The following CHODL variants were observed in gnomAD, a reference collection of about 807,000 sequenced individuals.
The protein encoded by CHODL is transmembrane protein MT75.
In CHODL, 29 loss-of-function variants were observed where a neutral mutation model predicts 34.5. That is an observed-to-expected ratio of 0.84 (90% CI 0.63 to 1.15). The LOEUF (loss-of-function observed/expected upper bound fraction) is 1.15, where lower values mean the gene tolerates loss of function less well. CHODL is among the 50% of genes most tolerant of loss of function. CHODL has a pLI of 0.00. For missense variants in CHODL, 332 were observed against 332.5 expected (o/e 1.00, Z 0.01); for synonymous variants, 125 against 116.1 (o/e 1.08, Z -0.49).
intron 2 of CHODL, among the ~76,000 whole-genome samples, chr21:18,074,516 T>C (rs1311877670): frequency 6.6e-6 from 1 of 152,132 alleles, no homozygotes; most frequent in Non-Finnish European, 1.5e-5. Context: ...GAATAGATGA[T>C]ATAGAGAGGG....
intron 1 of CHODL, among the ~76,000 whole-genome samples, chr21:17,961,644 G>A (rs1224013658): frequency 6.6e-6 from 1 of 152,196 alleles, no homozygotes; most frequent in Non-Finnish European, 1.5e-5. Flanking sequence ...GTTCCTGAAT[G>A]GTGATTGTTA....
intron 2 of CHODL, among the ~76,000 whole-genome samples, chr21:18,039,019 G>A (rs1009740902): frequency 4.0e-5 from 6 of 151,538 alleles, no homozygotes; most frequent in Non-Finnish European, 7.4e-5. Flanking sequence ...CATGGGGATC[G>A]CAAGATGTCT....
At chr21:18,210,989 C>A (rs1243557532) in intron 2 of CHODL, among the ~76,000 whole-genome samples, 2 of 152,258 alleles carry the variant, frequency 1.3e-5, no homozygotes, top group Admixed American at 1.3e-4. Context: ...GAATTTTGTT[C>A]CAGCTACACA....
intron 1 of CHODL, among the ~76,000 whole-genome samples, chr21:17,988,491 G>A (rs1159946133): frequency 1.6e-4 from 22 of 140,216 alleles, no homozygotes; most frequent in African/African-American, 6.0e-4. Flanking sequence ...CTGGTGTGCT[G>A]CACCCATTAA....
upstream of CHODL, among the ~76,000 whole-genome samples, chr21:18,240,338 G>C (rs747237598): frequency 5.9e-5 from 9 of 152,156 alleles, no homozygotes; most frequent in Non-Finnish European, 1.0e-4. Flanking sequence ...TTCTGCAGTA[G>C]AATCTCATTC....
upstream of CHODL, among the ~76,000 whole-genome samples, chr21:18,239,955 G>A (rs1015759821): frequency 6.6e-6 from 1 of 151,774 alleles, no homozygotes; most frequent in Non-Finnish European, 1.5e-5. Flanking sequence ...AGGGAGGAAG[G>A]GAAGAAAATA....
intron 1 of CHODL, among the ~76,000 whole-genome samples, chr21:17,940,870 T>G (rs866260670): frequency 5.3e-5 from 8 of 152,206 alleles, no homozygotes; most frequent in African/African-American, 1.9e-4. Flanking sequence ...AATGGTCGTA[T>G]CTGTAAACTT....
At chr21:18,154,164 G>A (rs769636422) in intron 2 of CHODL, among the ~76,000 whole-genome samples, 7 of 152,338 alleles carry the variant, frequency 4.6e-5, no homozygotes, top group Non-Finnish European at 1.0e-4. Context: ...TAGGAAATAT[G>A]TATGTAAAAA....
rs1199489563 is a variant in CHODL, at chr21:18,174,097, G to GGA, written c.-44-82411_-44-82410dup. 2.0e-3 allele frequency among the ~76,000 whole-genome samples: 6 copies of GGA among 2,988 alleles called. 2 individuals are homozygous for GGA. The South Asian group carries it at 0.025, about 12-fold the overall frequency. The allele number at this position is 2,988 out of a possible 152,430, so 2.0% of individuals were successfully genotyped here. A position where few individuals can be genotyped will look rare whatever the true frequency, so the allele number is the denominator to read the frequency against. The stretch of plus-strand genomic sequence containing the variant: ...GGAGGTAGAAGGGGAAACAAATACA[G>GGA]GATATATATATATATATATCTTGGT... On this transcript the variant is annotated intron_variant, in intron 2 of 6. Coordinates refer to the CHODL transcript ENST00000400127.
At chr21:18,090,874 C>G (rs575823840) in intron 2 of CHODL, among the ~76,000 whole-genome samples, 4 of 152,232 alleles carry the variant, frequency 2.6e-5, no homozygotes, top group African/African-American at 9.6e-5. Context: ...TAAAGCACCA[C>G]CACAAGAACC....
At chr21:18,143,919 T>C (rs944996742) in intron 2 of CHODL, among the ~76,000 whole-genome samples, 2 of 152,116 alleles carry the variant, frequency 1.3e-5, no homozygotes, top group African/African-American at 4.8e-5. Context: ...TTCCCCAACC[T>C]TCTACATTGG....
At chr21:18,177,839 A>G (rs560497820) in intron 2 of CHODL, among the ~76,000 whole-genome samples, 2 of 152,298 alleles carry the variant, frequency 1.3e-5, no homozygotes, top group African/African-American at 4.8e-5. Context: ...TCACTGGTAA[A>G]TTATTTATAA....
chr21:17,921,141 A>G (rs974228327), intron 1 of CHODL, among the ~76,000 whole-genome samples: 8 of 152,232 alleles, frequency 5.3e-5, no homozygotes, highest in African/African-American at 1.9e-4. Context: ...GAGGCTGGGA[A>G]GTCCAAAATC....
At chr21:18,098,033 CT>C (rs1411676755) in intron 2 of CHODL, among the ~76,000 whole-genome samples, 2 of 152,016 alleles carry the variant, frequency 1.3e-5, no homozygotes, top group Non-Finnish European at 2.9e-5. Flanking sequence ...AACTAGACCC[CT>C]ATGTCTCACC....
intron 3 of CHODL, among the ~76,000 whole-genome samples, chr21:18,258,476 T>C (rs2146816867): frequency 7.6e-6 from 1 of 130,742 alleles, no homozygotes; most frequent in East Asian, 2.0e-4. Context: ...TTCATTGTAT[T>C]ATATTTATTT....
At chr21:18,259,090 G>C (rs1260767959) in intron 3 of CHODL, among the ~76,000 whole-genome samples, 1 of 151,962 alleles carries the variant, frequency 6.6e-6, no homozygotes, top group Non-Finnish European at 1.5e-5. Context: ...CCAACAAAGG[G>C]GGACTCTGTG....
intron 2 of CHODL, among the ~76,000 whole-genome samples, chr21:18,032,280 C>T (rs144237101): frequency 1.7e-4 from 26 of 151,900 alleles, no homozygotes; most frequent in African/African-American, 6.3e-4. Context: ...TGTATTTATC[C>T]GTTATTCAAT....
rs149549144 is a variant in CHODL, at chr21:18,266,196, A to G, written c.*158A>G. ...ATATTAAAGTAATTTTTATATGTCT[A>G]TTATTTCATTTAAAGAATATGCTGT... On this transcript the variant is annotated 3_prime_UTR_variant, in exon 6 of 6. Coordinates refer to ENST00000299295, the MANE Select transcript of CHODL (RefSeq NM_024944.3). 439 of 1,540,794 alleles carry G rather than the reference A, an allele frequency of 2.8e-4. No homozygotes were observed. Among genetic ancestry groups the G allele is most frequent in the African/African-American group, 1.4e-3 (101 of 72,578 alleles).
chr21:17,930,414 TTA>T (rs1450656283), intron 1 of CHODL, among the ~76,000 whole-genome samples: 3 of 152,170 alleles, frequency 2.0e-5, no homozygotes, highest in African/African-American at 7.2e-5. Flanking sequence ...CCACCACTGT[TTA>T]TGCCAGAGGG....
Sources: gnomAD v4.1 joint callset for allele counts (sites outside exome capture counted in the v4.1 genomes callset) on GRCh38, gnomAD v4.1.1 for gene constraint, MANE v1.5 for transcripts, NCBI Gene and HGNC (gene_info 2026-07-23, HGNC 2026-07-21) for gene names.